MMP26: variants seen among roughly 807,000 people sequenced by gnomAD.
MMP26 encodes the protein matrix metallopeptidase 26, also known as matrix metalloproteinase-26.
In MMP26, 33 loss-of-function variants were observed where a neutral mutation model predicts 31.0. The observed-to-expected ratio is 1.06, with a 90% CI of 0.81 to 1.42. The LOEUF (loss-of-function observed/expected upper bound fraction) is 1.42. MMP26 is among the 40% of genes most tolerant of loss of function. The pLI, the probability that MMP26 is intolerant of heterozygous loss-of-function variation, is 0.00. For missense variants in MMP26, 347 were observed against 316.1 expected, an observed-to-expected ratio of 1.10 and a Z score of -0.74; for synonymous variants, 122 against 114.9, an observed-to-expected ratio of 1.06 and a Z score of -0.40.
chr11:4,903,643 A>T (rs1294363144), intron 2 of MMP26: 1 of 152,100 alleles, frequency 6.6e-6, no homozygotes, highest in Non-Finnish European at 1.5e-5. Context: ...AAAGTAATGT[A>T]CCAGCCCCAG....
intron 2 of MMP26, among the ~76,000 whole-genome samples, chr11:4,981,404 C>G (rs1846811750): frequency 6.6e-6 from 1 of 152,002 alleles, no homozygotes. Context: ...ATGCAGCATG[C>G]TATTGTACTA....
At chr11:4,832,082 T>C (rs566047342) in intron 2 of MMP26, 2 of 152,364 alleles carry the variant, frequency 1.3e-5, no homozygotes, top group African/African-American at 4.8e-5. Context: ...TTTTATCTAT[T>C]GTGCATCTTT....
At chr11:4,883,662 C>G (rs1850510175) in intron 2 of MMP26, among the ~76,000 whole-genome samples, 1 of 152,052 alleles carries the variant, frequency 6.6e-6, no homozygotes, top group Non-Finnish European at 1.5e-5. Context: ...GCTCTTGTTT[C>G]TTGGGTTGTT....
intron 1 of MMP26, among the ~76,000 whole-genome samples, chr11:4,722,470 CTTTTTTTTTTTT>C (rs60627073): frequency 0.048 from 3,104 of 64,256 alleles, 160 homozygotes; most frequent in African/African-American, 0.16. Context: ...GAAGTAATTA[CTTTTTTTTTTTT>C]TTTTTTTTTT....
intron 2 of MMP26, among the ~76,000 whole-genome samples, chr11:4,910,307 A>G (rs1201617802): frequency 6.6e-6 from 1 of 152,092 alleles, no homozygotes; most frequent in East Asian, 1.9e-4. Context: ...TCTACTTCTA[A>G]GGATTCATAT....
intron 2 of MMP26, among the ~76,000 whole-genome samples, chr11:4,935,524 A>T (rs1402933568): frequency 2.0e-5 from 3 of 151,366 alleles, no homozygotes; most frequent in East Asian, 1.9e-4. Context: ...ATCTGCAAAC[A>T]GGGACAATTT....
intron 1 of MMP26, among the ~76,000 whole-genome samples, chr11:4,716,980 A>C (rs1847941561): frequency 6.6e-6 from 1 of 151,904 alleles, no homozygotes; most frequent in African/African-American, 2.4e-5. Flanking sequence ...CCTCTTAAAC[A>C]CTACCTTTTG....
chr11:4,858,668 A>G (rs1354715042), intron 2 of MMP26, among the ~76,000 whole-genome samples: 3 of 152,238 alleles, frequency 2.0e-5, no homozygotes, highest in East Asian at 3.8e-4. Flanking sequence ...TATAGATTCA[A>G]TGCCATCCCC....
intron 3 of MMP26, among the ~76,000 whole-genome samples, chr11:4,988,580 TA>T (rs1403744982): frequency 3.3e-5 from 5 of 152,136 alleles, no homozygotes; most frequent in African/African-American, 1.2e-4. Flanking sequence ...CTCACTTTCT[TA>T]GTCTTCTATA....
chr11:4,937,853 C>A lies in MMP26; in HGVS notation c.-144-50215C>A, dbSNP rs1204828388. ...AGAACATTCTTGGAAGTCAGAAGAA[C>A]CCCTGTTTTGATGGCTCTGGGACTA... On this transcript the variant is annotated intron_variant, in intron 2 of 7. Transcript: ENST00000380390. 3.3e-5 allele frequency: 5 copies of A among 152,508 alleles called. No homozygotes were observed. The East Asian group carries it at 9.6e-4, about 29-fold the overall frequency. The allele number at this position is 152,508 out of a possible 1,614,324, so 9.4% of individuals were successfully genotyped here.
chr11:4,971,285 G>A (rs763387063), intron 2 of MMP26, among the ~76,000 whole-genome samples: 2 of 152,226 alleles, frequency 1.3e-5, no homozygotes, highest in African/African-American at 2.4e-5. Flanking sequence ...AGCTTCTTGA[G>A]TACACACAAA....
At chr11:4,932,273 T>C (rs1404497102) in intron 2 of MMP26, among the ~76,000 whole-genome samples, 3 of 152,120 alleles carry the variant, frequency 2.0e-5, no homozygotes, top group Non-Finnish European at 2.9e-5. Context: ...ATGTATCAAT[T>C]GCCCCATCAA....
intron 2 of MMP26, among the ~76,000 whole-genome samples, chr11:4,808,703 G>A (rs1849310634): frequency 6.6e-6 from 1 of 151,226 alleles, no homozygotes; most frequent in South Asian, 2.1e-4. Context: ...ATGAAGTTAT[G>A]TCTCTCAGCC....
chr11:4,826,993 T>G (rs929333316), intron 2 of MMP26, among the ~76,000 whole-genome samples: 24 of 152,128 alleles, frequency 1.6e-4, no homozygotes, highest in African/African-American at 5.8e-4. Context: ...TGTACATGCA[T>G]GGATACCAAG....
At chr11:4,789,077 C>A (rs994744191) in intron 2 of MMP26, among the ~76,000 whole-genome samples, 3 of 152,124 alleles carry the variant, frequency 2.0e-5, no homozygotes, top group African/African-American at 7.2e-5. Flanking sequence ...TTGGCTTTCT[C>A]TAAAACAGCT....
At chr11:4,874,357 A>T (rs115147248) in intron 2 of MMP26, among the ~76,000 whole-genome samples, 1,822 of 152,192 alleles carry the variant, frequency 0.012, 38 homozygotes, top group African/African-American at 0.042. Flanking sequence ...ATTCCCAAGT[A>T]TCCAGAGCTC....
intron 2 of MMP26, chr11:4,923,270 C>A (rs11034672): frequency 0.06 from 71,559 of 1,199,536 alleles, 3,122 homozygotes; most frequent in East Asian, 0.25. Context: ...CAGCCAATTG[C>A]CTTTTTGTTG....
intron 2 of MMP26, among the ~76,000 whole-genome samples, chr11:4,872,841 G>T (rs543501187): frequency 6.6e-6 from 1 of 151,930 alleles, no homozygotes; most frequent in South Asian, 2.1e-4. Context: ...GAAAGTTTAG[G>T]GTCAACTCTT....
chr11:4,986,129 T>C (rs1208665950), intron 2 of MMP26, among the ~76,000 whole-genome samples: 2 of 152,226 alleles, frequency 1.3e-5, no homozygotes, highest in African/African-American at 4.8e-5. Context: ...ATTTCGTTAA[T>C]AGATTTGAAG....
Sources: gnomAD v4.1 joint callset for allele counts (sites outside exome capture counted in the v4.1 genomes callset) on GRCh38, gnomAD v4.1.1 for gene constraint, MANE v1.5 for transcripts, NCBI Gene and HGNC (gene_info 2026-07-23, HGNC 2026-07-21) for gene names.